SEC31A: variants seen among roughly 807,000 people sequenced by gnomAD.
SEC31A encodes protein transport protein Sec31A.
Under a neutral mutation model 151.0 loss-of-function variants are expected in SEC31A, and 70 were observed. That is an observed-to-expected ratio of 0.46 (90% confidence interval 0.38 to 0.57). The LOEUF (loss-of-function observed/expected upper bound fraction) is 0.57, where lower values mean the gene tolerates loss of function less well. Among genes scored for constraint, SEC31A ranks in the 20% least tolerant of loss-of-function variants. The pLI, the probability that SEC31A is intolerant of heterozygous loss-of-function variation, is 0.00. For synonymous variants in SEC31A, 475 were observed against 505.9 expected, an observed-to-expected ratio of 0.94 and a Z score of 0.82; for missense variants, 1,330 against 1,471.2, an observed-to-expected ratio of 0.90 and a Z score of 1.57.
At position 82,866,922 on chromosome 4, in the gene SEC31A, T is replaced by G. The variant is rs565980912; in HGVS notation, c.1083A>C (p.Thr361=). The change falls in exon 10 of 27, where the codon ACA becomes ACC. Residue 361 remains threonine (T), a synonymous_variant. Coordinates refer to ENST00000395310, the MANE Select transcript of SEC31A (RefSeq NM_001077207.4). ...SSFGNLDPFG[T]GQPLPPLQIP... ...TTTGTAACGGAGGAAGGGGCTGTCC[T>G]GTGCCAAAGGGATCAAGATTCCCAA... 4.7e-5 allele frequency: 76 copies of G among 1,614,044 alleles called. No individual in the cohort carries two copies. In the South Asian group the frequency reaches 7.1e-4, roughly 15 times the overall value.
chr4:82,864,400 G>C lies in SEC31A; in HGVS notation c.1396C>G (p.Gln466Glu). ...CACACATTTTTCTCAAATTCAGTCT[G>C]AGAAGCATCAATTTTTTTTTGGCAA... is the stretch of plus-strand genomic sequence containing the variant. ...NYCQKKIDAS[Q>E]TEFEKNVWSF... The change falls in exon 11 of 27, where the codon CAG becomes GAG. Residue 466 changes from glutamine (Q) to glutamate (E), a missense_variant. Transcript: ENST00000395310. 1 of 1,614,036 alleles carries C rather than the reference G, an allele frequency of 6.2e-7. No homozygotes were observed. Among genetic ancestry groups the C allele is most frequent in the South Asian group, 1.1e-5 (1 of 91,074 alleles).
At chr4:82,826,648 C>T (rs1430316734) in intron 24 of SEC31A, among the ~76,000 whole-genome samples, 4 of 152,224 alleles carry the variant, frequency 2.6e-5, no homozygotes, top group African/African-American at 4.8e-5. Flanking sequence ...CCACTGCACC[C>T]GGCTTCAGGC....
Position 82,835,730 on chromosome 4 carries a change from G to C in SEC31A, c.2968+6410C>G, listed in dbSNP as rs976283081. Reference sequence around the variant, plus strand: ...GAATTGCTTGAACCTAGGAGACAGAGGTTGCAGTGAGTCGAGATTGAGCCA... The same window carrying C: ...GAATTGCTTGAACCTAGGAGACAGACGTTGCAGTGAGTCGAGATTGAGCCA... On this transcript the variant is annotated intron_variant, in intron 22 of 26. Coordinates refer to ENST00000395310, the MANE Select transcript of SEC31A (RefSeq NM_001077207.4). Among the ~76,000 whole-genome samples the C allele has an allele frequency of 4.6e-5, 7 of 152,140 alleles. No individual in the cohort carries two copies. The East Asian group carries it at 1.2e-3, about 25-fold the overall frequency.
At chr4:82,858,847 T>G (rs1450163343) in intron 14 of SEC31A, among the ~76,000 whole-genome samples, 1 of 151,490 alleles carries the variant, frequency 6.6e-6, no homozygotes, top group Non-Finnish European at 1.5e-5. Flanking sequence ...GGACTACAGG[T>G]GCCCACCACC....
intron 16 of SEC31A, among the ~76,000 whole-genome samples, chr4:82,856,179 C>T (rs1489099555): frequency 6.6e-6 from 1 of 151,964 alleles, no homozygotes; most frequent in African/African-American, 2.4e-5. Flanking sequence ...GAGACAGAGT[C>T]TTGCACTGTT....
chr4:82,876,107 CTT>C (rs200156848), intron 4 of SEC31A, among the ~76,000 whole-genome samples: 2 of 127,204 alleles, frequency 1.6e-5, no homozygotes, highest in Admixed American at 8.3e-5. Flanking sequence ...TGGATAAATT[CTT>C]TTTTTTTTTT....
chr4:82,864,658 C>T, intron 10 of SEC31A, 60 bp from the exon 11 acceptor site: 1 of 1,437,574 alleles, frequency 7.0e-7, no homozygotes, highest in Non-Finnish European at 9.7e-7. Flanking sequence ...AAAAAAAGTG[C>T]TTATAAAGTG....
intron 8 of SEC31A, among the ~76,000 whole-genome samples, chr4:82,867,962 T>C (rs1372673867): frequency 6.6e-6 from 1 of 152,224 alleles, no homozygotes; most frequent in Non-Finnish European, 1.5e-5. Flanking sequence ...TCTAAAAGAT[T>C]AGTGATGTCC....
At chr4:82,862,634 G>A in intron 12 of SEC31A, 62 bp from the exon 13 acceptor site, 1 of 1,414,686 alleles carries the variant, frequency 7.1e-7, no homozygotes, top group Non-Finnish European at 1.0e-6. Context: ...TCCAGCAAAT[G>A]TTCACCTCTT....
At chr4:82,847,532 A>T (rs1361351337) in intron 20 of SEC31A, among the ~76,000 whole-genome samples, 3 of 152,214 alleles carry the variant, frequency 2.0e-5, no homozygotes, top group Non-Finnish European at 4.4e-5. Context: ...TTGCTTCAGT[A>T]CCTGACAGGT....
chr4:82,842,037 T>C (rs1156641408), intron 22 of SEC31A, 103 bp downstream of exon 22: 6 of 958,450 alleles, frequency 6.3e-6, no homozygotes, highest in Non-Finnish European at 9.1e-6. Flanking sequence ...ACACCTCACA[T>C]TACCCAGTTT....
At chr4:82,860,401 T>C (rs1432180230) in intron 14 of SEC31A, among the ~76,000 whole-genome samples, 1 of 152,232 alleles carries the variant, frequency 6.6e-6, no homozygotes, top group Non-Finnish European at 1.5e-5. Context: ...TGATAATACA[T>C]AGTCTAGTTG....
chr4:82,847,854 T>G (rs1281849218), intron 20 of SEC31A, among the ~76,000 whole-genome samples: 1 of 152,164 alleles, frequency 6.6e-6, no homozygotes, highest in Non-Finnish European at 1.5e-5. Context: ...AAAGTCAAAA[T>G]AGAGAGTATT....
chr4:82,840,650 C>T (rs1390104487), intron 22 of SEC31A, among the ~76,000 whole-genome samples: 1 of 152,228 alleles, frequency 6.6e-6, no homozygotes, highest in Non-Finnish European at 1.5e-5. Context: ...CTTACACAAA[C>T]CCAGATGGTA....
chr4:82,881,822 A>C, intron 2 of SEC31A, 36 bp downstream of exon 2: 3 of 1,486,156 alleles, frequency 2.0e-6, no homozygotes, highest in Non-Finnish European at 2.8e-6. Context: ...AGAAGAAATT[A>C]GGTAACTCAT....
At chr4:82,844,563 A>T (rs1729641490) in intron 20 of SEC31A, 54 bp from the exon 21 acceptor site, 1 of 1,547,632 alleles carries the variant, frequency 6.5e-7, no homozygotes. Context: ...CAGGAACTTC[A>T]CCAGATGGAA....
intron 3 of SEC31A, among the ~76,000 whole-genome samples, chr4:82,897,283 G>A (rs1720104827): frequency 6.6e-6 from 1 of 152,188 alleles, no homozygotes; most frequent in African/African-American, 2.4e-5. Flanking sequence ...AAGTTAGCAT[G>A]AGATTCTAGA....
Position 82,879,046 on chromosome 4 carries a change from C to T in SEC31A, c.204-118G>A, listed in dbSNP as rs530486577. On this transcript the variant is annotated intron_variant, in intron 3 of 26. Transcript: ENST00000395310. ...ATAAACAATCCAAATATATTACTTT[C>T]CCACCACTCCTGGTAACTATGTATG... is the stretch of plus-strand genomic sequence containing the variant. 7.0e-6 allele frequency: 5 copies of T among 712,076 alleles called. No homozygotes were observed. In the African/African-American group the frequency reaches 7.2e-5, roughly 10 times the overall value. 44.1% of individuals were successfully genotyped at this position (712,076 alleles called of 1,614,324 possible).
chr4:82,864,706 A>T lies in SEC31A; in HGVS notation c.1198-108T>A, dbSNP rs143430674. ...AATCTGGATGAAATTAGTTGATACAACCTCTCATGCGCCACAGTCTGACAC... is the reference window on the plus strand; with the variant it reads ...AATCTGGATGAAATTAGTTGATACATCCTCTCATGCGCCACAGTCTGACAC... On this transcript the variant is annotated intron_variant, in intron 10 of 26. Transcript: ENST00000395310. 44 of 734,616 alleles carry T rather than the reference A, an allele frequency of 6.0e-5. 1 individual carries two copies. In the African/African-American group the frequency reaches 7.2e-4, roughly 12 times the overall value. 45.5% of individuals were successfully genotyped at this position (734,616 alleles called of 1,614,324 possible).
Sources: allele counts gnomAD v4.1 joint callset (sites outside exome capture counted in the v4.1 genomes callset), GRCh38; gene constraint gnomAD v4.1.1; transcripts MANE v1.5; gene names NCBI Gene and HGNC (gene_info 2026-07-23, HGNC 2026-07-21).